The following NPAS3 variants were observed in gnomAD, a reference collection of about 807,000 sequenced individuals.
NPAS3 encodes the protein neuronal PAS domain protein 3, also known as neuronal PAS domain-containing protein 3.
NPAS3 carries 14 observed loss-of-function variants against 73.1 expected under a neutral mutation model. The observed-to-expected ratio is 0.19, with a 90% CI of 0.13 to 0.30. The LOEUF (loss-of-function observed/expected upper bound fraction) is 0.30, where lower values mean the gene tolerates loss of function less well. Among genes scored for constraint, NPAS3 ranks in the 10% least tolerant of loss-of-function variants. NPAS3 has a pLI of 1.00. For missense variants in NPAS3, 1,096 were observed against 1,250.0 expected, an observed-to-expected ratio of 0.88 and a Z score of 1.86; for synonymous variants, 620 against 541.5, an observed-to-expected ratio of 1.14 and a Z score of -2.01.
At chr14:32,942,022 G>T (rs1283272158) in intron 1 of NPAS3, among the ~76,000 whole-genome samples, 1 of 152,224 alleles carries the variant, frequency 6.6e-6, no homozygotes, top group Non-Finnish European at 1.5e-5. Flanking sequence ...CTTGCTTCAA[G>T]TAAGTGAGTA....
chr14:33,437,667 T>A (rs558194664), intron 4 of NPAS3, among the ~76,000 whole-genome samples: 1 of 152,334 alleles, frequency 6.6e-6, no homozygotes, highest in East Asian at 1.9e-4. Context: ...AGTGGCATAA[T>A]TTGACTTTGA....
chr14:33,141,438 C>G (rs1185854609), intron 2 of NPAS3, among the ~76,000 whole-genome samples: 1 of 151,966 alleles, frequency 6.6e-6, no homozygotes, highest in African/African-American at 2.4e-5. Context: ...TAAAATGAGC[C>G]TACTATGGAG....
chr14:33,616,778 G>A (rs541776695), intron 5 of NPAS3, among the ~76,000 whole-genome samples: 7 of 152,258 alleles, frequency 4.6e-5, no homozygotes, highest in East Asian at 3.9e-4. Flanking sequence ...TCTAATAAGC[G>A]AATTAATCTG....
intron 6 of NPAS3, among the ~76,000 whole-genome samples, chr14:33,676,994 T>C (rs913418965): frequency 5.3e-5 from 8 of 152,200 alleles, no homozygotes; most frequent in East Asian, 3.8e-4. Flanking sequence ...AGGACTCTTA[T>C]AGACTTTGCA....
At chr14:33,587,027 G>A (rs1332162377) in intron 5 of NPAS3, among the ~76,000 whole-genome samples, 1 of 152,158 alleles carries the variant, frequency 6.6e-6, no homozygotes, top group Non-Finnish European at 1.5e-5. Flanking sequence ...GTAGCTGAGT[G>A]CCTGGTCCTG....
intron 1 of NPAS3, among the ~76,000 whole-genome samples, chr14:32,954,971 G>A (rs907523895): frequency 2.6e-5 from 4 of 152,194 alleles, no homozygotes; most frequent in African/African-American, 7.2e-5. Context: ...CCATCTTTTC[G>A]ATTGTGAATA....
chr14:33,780,483 A>G, intron 9 of NPAS3: 2 of 382,930 alleles, frequency 5.2e-6, no homozygotes, highest in South Asian at 4.1e-5. Flanking sequence ...CCATGTGTGC[A>G]GAGGGAGATG....
chr14:33,638,266 C>T (rs529460607), intron 5 of NPAS3, among the ~76,000 whole-genome samples: 1 of 152,222 alleles, frequency 6.6e-6, no homozygotes, highest in South Asian at 2.1e-4. Context: ...TTATTTTATA[C>T]TCATAATCTT....
chr14:33,784,378 ATAGC>A (rs1231325782), intron 9 of NPAS3, among the ~76,000 whole-genome samples: 1 of 152,222 alleles, frequency 6.6e-6, no homozygotes, highest in Admixed American at 6.5e-5. Flanking sequence ...CCAATTCTGA[ATAGC>A]TAGTATGAAA....
At chr14:33,131,884 A>T (rs2043649854) in intron 2 of NPAS3, among the ~76,000 whole-genome samples, 1 of 152,200 alleles carries the variant, frequency 6.6e-6, no homozygotes, top group African/African-American at 2.4e-5. Context: ...GATCAATTAT[A>T]CTTTATCTGA....
chr14:33,399,410 C>G (rs1566867453), intron 4 of NPAS3, among the ~76,000 whole-genome samples: 1 of 151,984 alleles, frequency 6.6e-6, no homozygotes. Context: ...AGGCTGTTTC[C>G]TAAAGAGCAA....
intron 4 of NPAS3, among the ~76,000 whole-genome samples, chr14:33,384,931 T>A (rs1379242111): frequency 6.6e-6 from 1 of 152,126 alleles, no homozygotes; most frequent in Non-Finnish European, 1.5e-5. Flanking sequence ...ACGTTGGGGA[T>A]TGAGATGGAG....
chr14:32,997,521 C>T (rs763538683), intron 1 of NPAS3, among the ~76,000 whole-genome samples: 1 of 152,096 alleles, frequency 6.6e-6, no homozygotes, highest in Non-Finnish European at 1.5e-5. Flanking sequence ...GGGGGTGGGT[C>T]TTTCCTGTGC....
At chr14:33,136,845 C>T (rs1361952813) in intron 2 of NPAS3, among the ~76,000 whole-genome samples, 1 of 152,188 alleles carries the variant, frequency 6.6e-6, no homozygotes, top group African/African-American at 2.4e-5. Context: ...TTTACCAATA[C>T]CGCTTTTTCC....
intron 2 of NPAS3, among the ~76,000 whole-genome samples, chr14:33,209,323 T>A (rs2046945075): frequency 6.6e-6 from 1 of 152,178 alleles, no homozygotes; most frequent in Non-Finnish European, 1.5e-5. Context: ...GTCAGCTGAT[T>A]TGATTGACTT....
chr14:33,795,360 TC>T (rs776771512), intron 10 of NPAS3, among the ~76,000 whole-genome samples: 3 of 152,166 alleles, frequency 2.0e-5, no homozygotes, highest in Non-Finnish European at 4.4e-5. Context: ...GTGCAAAGTC[TC>T]CCCCGTGTTT....
intron 3 of NPAS3, among the ~76,000 whole-genome samples, chr14:33,288,186 G>A (rs1204345812): frequency 6.6e-6 from 1 of 152,168 alleles, no homozygotes; most frequent in Non-Finnish European, 1.5e-5. Context: ...GGTCTGCCAA[G>A]TCCAGGAGTC....
At chr14:33,710,804 C>CTTTAGAATCA (rs1423308479) in intron 6 of NPAS3, among the ~76,000 whole-genome samples, 8 of 152,182 alleles carry the variant, frequency 5.3e-5, no homozygotes, top group Non-Finnish European at 1.2e-4. Context: ...ATTGAGACTG[C>CTTTAGAATCA]TTTAGAATCA....
chr14:33,131,411 C>A (rs1282326873), intron 2 of NPAS3, among the ~76,000 whole-genome samples: 1 of 152,200 alleles, frequency 6.6e-6, no homozygotes, highest in Non-Finnish European at 1.5e-5. Context: ...TTACACCCAG[C>A]CATGTGTTCA....
Sources: gnomAD v4.1 joint callset for allele counts (sites outside exome capture counted in the v4.1 genomes callset) on GRCh38, gnomAD v4.1.1 for gene constraint, MANE v1.5 for transcripts, NCBI Gene and HGNC (gene_info 2026-07-23, HGNC 2026-07-21) for gene names.